Variants in NT5DC1 observed in about 807,000 individuals in gnomAD.
NT5DC1 encodes 5'-nucleotidase domain containing 1.
A neutral mutation model predicts 59.4 loss-of-function variants in NT5DC1; 42 were observed. The ratio of observed to expected loss-of-function variants is 0.71; its 90% confidence interval spans 0.55 to 0.92. The LOEUF is 0.92. Among genes scored for constraint, NT5DC1 ranks in the 40% least tolerant of loss-of-function variants. NT5DC1 has a pLI of 0.00. For missense variants in NT5DC1, 501 were observed against 537.1 expected (o/e 0.93, Z 0.66); for synonymous variants, 172 against 188.1 (o/e 0.91, Z 0.70).
chr6:116,181,414 T>G (rs1780870362), intron 6 of NT5DC1, among the ~76,000 whole-genome samples: 1 of 152,118 alleles, frequency 6.6e-6, no homozygotes, highest in Non-Finnish European at 1.5e-5. Context: ...AATTTATGAT[T>G]ATTTCAGTGG....
At chr6:116,120,921 G>T in intron 6 of NT5DC1, 1 of 1,613,910 alleles carries the variant, frequency 6.2e-7, no homozygotes, top group Middle Eastern at 1.6e-4. Flanking sequence ...TTACCCTTAG[G>T]ACCATCGAGA....
intron 6 of NT5DC1, among the ~76,000 whole-genome samples, chr6:116,173,651 G>A (rs1341683509): frequency 2.6e-5 from 4 of 151,956 alleles, no homozygotes; most frequent in Non-Finnish European, 4.4e-5. Context: ...CTCTTTTCCT[G>A]CACATATTAT....
intron 6 of NT5DC1, chr6:116,120,858 G>C: frequency 3.7e-6 from 6 of 1,614,028 alleles, no homozygotes; most frequent in Admixed American, 3.3e-5. Context: ...GGGCCTGGGA[G>C]ACCAGGAGGT....
At chr6:116,241,793 G>T (rs1272055992) in intron 11 of NT5DC1, among the ~76,000 whole-genome samples, 1 of 151,348 alleles carries the variant, frequency 6.6e-6, no homozygotes, top group Admixed American at 6.6e-5. Flanking sequence ...CGTGGTGGCG[G>T]GCGCCTGTAG....
Position 116,244,344 on chromosome 6 carries a change from C to A in NT5DC1, c.*320C>A, listed in dbSNP as rs1218451880. ...AGTCCAGTGGTTCTCAAAGTGTGAT[C>A]CATAGACTAATAGCATAGCATTACC... On this transcript the variant is annotated 3_prime_UTR_variant, in exon 12 of 12. Transcript: ENST00000319550. The A allele has an allele frequency of 6.0e-6, 1 of 166,030 alleles. No homozygotes were observed. The highest frequency in any genetic ancestry group is 1.3e-5 in the Non-Finnish European group (1 of 77,342). 10.3% of individuals were successfully genotyped at this position (166,030 alleles called of 1,614,324 possible). A position where few individuals can be genotyped will look rare whatever the true frequency, so the allele number is the denominator to read the frequency against.
At chr6:116,203,030 C>T (rs1169177160) in intron 6 of NT5DC1, among the ~76,000 whole-genome samples, 3 of 151,882 alleles carry the variant, frequency 2.0e-5, no homozygotes, top group East Asian at 3.9e-4. Flanking sequence ...TAATTTAATA[C>T]ACAAATTTTT....
intron 6 of NT5DC1, among the ~76,000 whole-genome samples, chr6:116,130,131 A>G (rs1414794125): frequency 1.3e-5 from 2 of 152,134 alleles, no homozygotes; most frequent in Non-Finnish European, 1.5e-5. Context: ...TTTATTAGCT[A>G]GGATATTCTC....
chr6:116,149,885 G>A (rs1333986772), intron 6 of NT5DC1, among the ~76,000 whole-genome samples: 1 of 152,200 alleles, frequency 6.6e-6, no homozygotes, highest in Non-Finnish European at 1.5e-5. Flanking sequence ...ACCAGCATTA[G>A]GACTTAACGG....
intron 6 of NT5DC1, among the ~76,000 whole-genome samples, chr6:116,220,620 A>G (rs1239392658): frequency 1.3e-5 from 2 of 152,224 alleles, no homozygotes; most frequent in Non-Finnish European, 2.9e-5. Context: ...CTTCTTGGCT[A>G]TTTATGCAAA....
chr6:116,232,823 T>C (rs1181102624), intron 8 of NT5DC1, among the ~76,000 whole-genome samples: 1 of 152,212 alleles, frequency 6.6e-6, no homozygotes, highest in African/African-American at 2.4e-5. Flanking sequence ...AATAAAAAGA[T>C]TTACTTCATT....
At chr6:116,120,896 C>T (rs1779098611) in intron 6 of NT5DC1, 1 of 1,613,972 alleles carries the variant, frequency 6.2e-7, no homozygotes, top group Non-Finnish European at 8.5e-7. Flanking sequence ...ACCTTTTGGA[C>T]CTGGTAACCC....
intron 6 of NT5DC1, among the ~76,000 whole-genome samples, chr6:116,180,221 G>C (rs1325818341): frequency 6.6e-6 from 1 of 151,964 alleles, no homozygotes; most frequent in Admixed American, 6.6e-5. Flanking sequence ...AAAGTGTGTT[G>C]TGTCTCATTT....
intron 6 of NT5DC1, among the ~76,000 whole-genome samples, chr6:116,155,643 A>C (rs1780170634): frequency 6.6e-6 from 1 of 152,064 alleles, no homozygotes. Context: ...ACTCCATTAC[A>C]ACATAGGTTG....
chr6:116,139,236 G>C (rs1473633129), intron 6 of NT5DC1, among the ~76,000 whole-genome samples: 3 of 152,024 alleles, frequency 2.0e-5, no homozygotes, highest in Non-Finnish European at 4.4e-5. Flanking sequence ...ATTTTTTGGG[G>C]GAAAGAAGTC....
intron 11 of NT5DC1, among the ~76,000 whole-genome samples, chr6:116,241,008 G>A (rs200723370): frequency 1.3e-5 from 2 of 152,042 alleles, no homozygotes; most frequent in East Asian, 1.9e-4. Context: ...GCCGGGTGTG[G>A]TAGCAGGTGC....
chr6:116,224,581 T>C (rs1781872850), intron 8 of NT5DC1, among the ~76,000 whole-genome samples: 1 of 152,170 alleles, frequency 6.6e-6, no homozygotes, highest in Non-Finnish European at 1.5e-5. Flanking sequence ...GGACAAGTGC[T>C]GAGAAGAGCA....
chr6:116,186,156 TATATG>T (rs762364113), intron 6 of NT5DC1, among the ~76,000 whole-genome samples: 118 of 152,206 alleles, frequency 7.8e-4, no homozygotes, highest in Non-Finnish European at 1.4e-3. Context: ...ACAAAATTCT[TATATG>T]ATAATTATTT....
chr6:116,160,812 TA>T (rs1022051946), intron 6 of NT5DC1, among the ~76,000 whole-genome samples: 97 of 152,222 alleles, frequency 6.4e-4, no homozygotes, highest in African/African-American at 2.1e-3. Context: ...TGGTAAGAAA[TA>T]GGGGTCCACC....
intron 6 of NT5DC1, chr6:116,118,824 G>A (rs1779021282): frequency 6.6e-6 from 1 of 152,092 alleles, no homozygotes; most frequent in Admixed American, 6.5e-5. Flanking sequence ...GGTTTTGTGG[G>A]TACCTCTTCA....
Sources: gnomAD v4.1 joint callset for allele counts (sites outside exome capture counted in the v4.1 genomes callset) on GRCh38, gnomAD v4.1.1 for gene constraint, MANE v1.5 for transcripts, NCBI Gene and HGNC (gene_info 2026-07-23, HGNC 2026-07-21) for gene names.